The following ADCYAP1R1 variants were observed in gnomAD, a reference collection of about 807,000 sequenced individuals.
ADCYAP1R1 encodes ADCYAP receptor type I.
Under a neutral mutation model 67.6 loss-of-function variants are expected in ADCYAP1R1, and 44 were observed. That is an observed-to-expected ratio of 0.65 (90% CI 0.51 to 0.84). The LOEUF (loss-of-function observed/expected upper bound fraction) is 0.84. ADCYAP1R1 is among the 40% of genes least tolerant of loss of function. The pLI, the probability that ADCYAP1R1 is intolerant of heterozygous loss-of-function variation, is 0.00. For missense variants in ADCYAP1R1, 477 were observed against 587.9 expected, an observed-to-expected ratio of 0.81 and a Z score of 1.95; for synonymous variants, 222 against 219.6, an observed-to-expected ratio of 1.01 and a Z score of -0.10.
chr7:31,085,526 G>A, intron 9 of ADCYAP1R1, 84 bp downstream of exon 9: 1 of 1,462,262 alleles, frequency 6.8e-7, no homozygotes, highest in Non-Finnish European at 9.2e-7. Context: ...CACATTACCT[G>A]CCTGACACCC....
intron 12 of ADCYAP1R1, among the ~76,000 whole-genome samples, chr7:31,088,751 A>T (rs1318335896): frequency 3.3e-5 from 5 of 152,176 alleles, no homozygotes; most frequent in African/African-American, 9.6e-5. Context: ...ATGCACCATT[A>T]TGCTAGTTAC....
At chr7:31,106,156 T>C (rs986365036) in intron 15 of ADCYAP1R1, among the ~76,000 whole-genome samples, 1 of 152,232 alleles carries the variant, frequency 6.6e-6, no homozygotes, top group African/African-American at 2.4e-5. Flanking sequence ...GGGGATCCTT[T>C]CCTGATCCAC....
chr7:31,091,673 C>T (rs1427558744), intron 12 of ADCYAP1R1, among the ~76,000 whole-genome samples: 1 of 152,114 alleles, frequency 6.6e-6, no homozygotes, highest in East Asian at 1.9e-4. Flanking sequence ...ATAGGGAGTC[C>T]TTTCCCCGTT....
At chr7:31,070,779 G>T (rs77075814) in intron 3 of ADCYAP1R1, among the ~76,000 whole-genome samples, 6,573 of 152,276 alleles carry the variant, frequency 0.043, 178 homozygotes, top group Middle Eastern at 0.11. Flanking sequence ...AACACAGATT[G>T]CTGGGCCCAC....
chr7:31,100,462 A>G (rs919406489), intron 13 of ADCYAP1R1, among the ~76,000 whole-genome samples: 7 of 152,062 alleles, frequency 4.6e-5, no homozygotes, highest in African/African-American at 1.7e-4. Flanking sequence ...CAGCACCCCC[A>G]TGTTCTCTGC....
intron 1 of ADCYAP1R1, among the ~76,000 whole-genome samples, chr7:31,058,706 C>T (rs985993937): frequency 6.6e-6 from 1 of 152,158 alleles, no homozygotes; most frequent in Non-Finnish European, 1.5e-5. Context: ...GGTGTAGTGG[C>T]GGACCTGACC....
rs1795692062 is a variant in ADCYAP1R1, at chr7:31,085,320, T to G, written c.547T>G (p.Cys183Gly). ...GGCCCACTCATGTAGGAAGCTGCAC[T>G]GCACACGCAACTTCATCCACATGAA... Reference protein sequence around the residue: ...VILCRFRKLHCTRNFIHMNLF... With the variant: ...VILCRFRKLHGTRNFIHMNLF... Residue 183 changes from cysteine to glycine, a missense_variant, in exon 9 of 16, where the codon TGC becomes GGC. Coordinates refer to ENST00000304166, the MANE Select transcript of ADCYAP1R1 (RefSeq NM_001118.5). The G allele has an allele frequency of 6.2e-7, 1 of 1,613,846 alleles. No individual in the cohort carries two copies. The highest frequency in any genetic ancestry group is 2.2e-5 in the East Asian group (1 of 44,882).
At chr7:31,067,526 G>A (rs553470700) in intron 3 of ADCYAP1R1, among the ~76,000 whole-genome samples, 123 of 152,054 alleles carry the variant, frequency 8.1e-4, no homozygotes, top group Non-Finnish European at 1.5e-3. Flanking sequence ...TGGAGGGTGG[G>A]GGTGGGTCTA....
intron 7 of ADCYAP1R1, 58 bp from the exon 8 acceptor site, chr7:31,084,679 C>A: frequency 2.1e-6 from 3 of 1,449,556 alleles, no homozygotes; most frequent in Non-Finnish European, 1.9e-6. Context: ...AGGCCTGAGG[C>A]AGCCTGGCTG....
intron 13 of ADCYAP1R1, among the ~76,000 whole-genome samples, chr7:31,093,427 G>A (rs1796051202): frequency 6.6e-6 from 1 of 152,176 alleles, no homozygotes; most frequent in Non-Finnish European, 1.5e-5. Flanking sequence ...GTCCCTAACA[G>A]CCTATCTTTG....
At chr7:31,058,297 A>T (rs1206777973) in intron 1 of ADCYAP1R1, among the ~76,000 whole-genome samples, 2 of 152,130 alleles carry the variant, frequency 1.3e-5, no homozygotes, top group African/African-American at 4.8e-5. Flanking sequence ...CCAGTGAGTC[A>T]CCGCTCGCTC....
intron 7 of ADCYAP1R1, 52 bp downstream of exon 7, chr7:31,084,302 A>C: frequency 6.6e-7 from 1 of 1,513,458 alleles, no homozygotes; most frequent in Non-Finnish European, 9.2e-7. Context: ...GGCTGAGGAA[A>C]TTTAGGTCAG....
At chr7:31,094,560 C>T (rs1267700573) in intron 13 of ADCYAP1R1, among the ~76,000 whole-genome samples, 8 of 151,994 alleles carry the variant, frequency 5.3e-5, no homozygotes, top group Non-Finnish European at 1.5e-5. Context: ...CTACTGAGGG[C>T]CCCCCAACCT....
At chr7:31,071,303 A>T (rs1794968884) in intron 3 of ADCYAP1R1, among the ~76,000 whole-genome samples, 1 of 151,624 alleles carries the variant, frequency 6.6e-6, no homozygotes, top group Non-Finnish European at 1.5e-5. Flanking sequence ...CTTCACTGCC[A>T]CTCCTGGGCA....
At position 31,052,335 on chromosome 7, in the gene ADCYAP1R1, C is replaced by T. The variant is rs1279521078; in HGVS notation, c.-415C>T. ...CTCCCTCCAGCGCCCAGCCTGGCTTCGCGGCGGAGGCGGCGCCTCTCCCGC... is the reference window on the plus strand; with the variant it reads ...CTCCCTCCAGCGCCCAGCCTGGCTTTGCGGCGGAGGCGGCGCCTCTCCCGC... On this transcript the variant is annotated 5_prime_UTR_variant, in exon 1 of 16. Transcript: ENST00000304166. The T allele has an allele frequency of 6.6e-6, 1 of 152,032 alleles. No individual in the cohort carries two copies. The highest frequency in any genetic ancestry group is 1.5e-5 in the Non-Finnish European group (1 of 67,982). 9.4% of individuals were successfully genotyped at this position (152,032 alleles called of 1,614,324 possible).
At chr7:31,066,011 GCTCTTGCTCAGCCCTAAC>G (rs1794721447) in intron 3 of ADCYAP1R1, among the ~76,000 whole-genome samples, 1 of 152,236 alleles carries the variant, frequency 6.6e-6, no homozygotes, top group Non-Finnish European at 1.5e-5. Context: ...CCTCCGCTGA[GCTCTTGCTCAGCCCTAAC>G]CAAGGTTGAA....
chr7:31,106,559 T>C lies in ADCYAP1R1; in HGVS notation c.1282T>C (p.Phe428Leu). ...GGTGAACCGTTACTTCGCTGTGGAC[T>C]TCAAGCACCGACACCCGTCTCTGGC... is the stretch of plus-strand genomic sequence containing the variant. ...WKVNRYFAVD[F>L]KHRHPSLASS... Residue 428 changes from phenylalanine (F) to leucine (L), a missense_variant, in exon 16 of 16, where the codon TTC becomes CTC. By Grantham distance (22) the Phe-to-Leu change is conservative. Coordinates refer to ENST00000304166, the MANE Select transcript of ADCYAP1R1 (RefSeq NM_001118.5). 1 of 1,614,042 alleles carries C rather than the reference T, an allele frequency of 6.2e-7. No individual in the cohort carries two copies. Among genetic ancestry groups the C allele is most frequent in the Non-Finnish European group, 8.5e-7 (1 of 1,179,928 alleles).
At position 31,080,614 on chromosome 7, in the gene ADCYAP1R1, C is replaced by G; in HGVS notation, c.267C>G (p.Val89=). The G allele has an allele frequency of 6.2e-7, 1 of 1,613,682 alleles. No individual in the cohort carries two copies. The highest frequency in any genetic ancestry group is 8.5e-7 in the Non-Finnish European group (1 of 1,180,004). Residue 89 remains valine (V), a splice_region_variant and synonymous_variant, in exon 5 of 16, where the codon GTC becomes GTG. Transcript: ENST00000304166. ...TCTCTCTCTTTCTCTCTGTTTCAGTCTGGGAGACCGAAACCATTGGTAAGA... is the reference window on the plus strand; with the variant it reads ...TCTCTCTCTTTCTCTCTGTTTCAGTGTGGGAGACCGAAACCATTGGTAAGA... ...ELFRIFNPDQ[V]WETETIGESD... is the part of the protein sequence containing the mutation.
chr7:31,109,897 C>G lies in ADCYAP1R1; in HGVS notation c.*3213C>G, dbSNP rs1332921648. The stretch of plus-strand genomic sequence containing the variant: ...CCCACTTAAGTCCAAGTCACATTGT[C>G]TATCCCAGTGTGTAGCTCTGTCACC... On this transcript the variant is annotated 3_prime_UTR_variant, in exon 16 of 16. Coordinates refer to ENST00000304166, the MANE Select transcript of ADCYAP1R1 (RefSeq NM_001118.5). 6.6e-6 allele frequency: 1 copy of G among 152,214 alleles called. No homozygotes were observed. The allele number at this position is 152,214 out of a possible 1,614,324, so 9.4% of individuals were successfully genotyped here. A position where few individuals can be genotyped will look rare whatever the true frequency, so the allele number is the denominator to read the frequency against.
Sources: gnomAD v4.1 joint callset for allele counts (sites outside exome capture counted in the v4.1 genomes callset) on GRCh38, gnomAD v4.1.1 for gene constraint, MANE v1.5 for transcripts, NCBI Gene and HGNC (gene_info 2026-07-23, HGNC 2026-07-21) for gene names.